TRPV6: variants seen among roughly 807,000 people sequenced by gnomAD.
The protein encoded by TRPV6 is Alu-binding protein with zinc finger domain.
In TRPV6, 39 loss-of-function variants were observed where a neutral mutation model predicts 79.0. The ratio of observed to expected loss-of-function variants is 0.49; its 90% CI spans 0.38 to 0.64. TRPV6 has a LOEUF of 0.64. Among genes scored for constraint, TRPV6 ranks in the 30% least tolerant of loss-of-function variants. TRPV6 has a pLI of 0.00. For synonymous variants in TRPV6, 373 were observed against 391.9 expected (o/e 0.95, Z 0.57); for missense variants, 813 against 1,011.1 (o/e 0.80, Z 2.66).
rs4987670 is a variant in TRPV6, at chr7:142,873,870, G to C, written c.1640-154C>G. ...TTGGGTTTTTACGGTCCCTAGTTTT[G>C]TATGAGCCTCATCTTGATCCTAAGA... On this transcript the variant is annotated intron_variant, in intron 12 of 14. Coordinates refer to ENST00000359396, the MANE Select transcript of TRPV6 (RefSeq NM_018646.6). This position sits in a 1 kb window ranked among gnomAD's most constrained non-coding sequence, Gnocchi z 4.8. The C allele has an allele frequency of 0.098, 113,649 of 1,162,874 alleles. 12,120 individuals are homozygous for C. The highest frequency in any genetic ancestry group is 0.52 in the African/African-American group (33,646 of 64,594). 72.0% of individuals were successfully genotyped at this position (1,162,874 alleles called of 1,614,324 possible).
At chr7:142,876,195 TG>T in intron 6 of TRPV6, 1 of 777,878 alleles carries the variant, frequency 1.3e-6, no homozygotes, top group Non-Finnish European at 2.0e-6. Flanking sequence ...AATCCTAGCA[TG>T]GGATCTAGAC....
intron 13 of TRPV6, among the ~76,000 whole-genome samples, chr7:142,872,896 T>C (rs1794973342): frequency 6.6e-6 from 1 of 152,214 alleles, no homozygotes; most frequent in Admixed American, 6.5e-5. Context: ...CCTTCCAGTT[T>C]GGGAAATTTC....
rs1586188117 is a variant in TRPV6, at chr7:142,875,477, C to T, written c.1233G>A (p.Lys411=). The T allele has an allele frequency of 6.3e-7, 1 of 1,577,596 alleles. No homozygotes were observed. Among genetic ancestry groups the T allele is most frequent in the Non-Finnish European group, 8.6e-7 (1 of 1,163,832 alleles). Residue 411 remains lysine (K), a synonymous_variant, in exon 8 of 15, where the codon AAG becomes AAA. Coordinates refer to ENST00000359396, the MANE Select transcript of TRPV6 (RefSeq NM_018646.6). ...CCTACAAGGGTGTCACCTGAAGTAG[C>T]TTCTGCTGTAAGAGGGTGTTGTCCC... is the stretch of plus-strand genomic sequence containing the variant.
At position 142,874,921 on chromosome 7, in the gene TRPV6, G is replaced by A; in HGVS notation, c.1389C>T (p.Gly463=). 6.2e-7 allele frequency: 1 copy of A among 1,614,104 alleles called. No individual in the cohort carries two copies. Among genetic ancestry groups the A allele is most frequent in the Non-Finnish European group, 8.5e-7 (1 of 1,180,012 alleles). The change falls in exon 10 of 15, where the codon GGC becomes GGT. Residue 463 remains glycine (G), a synonymous_variant. Transcript: ENST00000359396. ...AAACTCACATGAGGACATGGAATGG[G>A]CCCCCAAGGATGGTCTGTCCAAAGA...
chr7:142,874,021 C>A, intron 12 of TRPV6, 55 bp downstream of exon 12: 1 of 1,586,574 alleles, frequency 6.3e-7, no homozygotes, highest in East Asian at 2.3e-5. Context: ...CCAGTGCCCC[C>A]TAGACTTCCT....
chr7:142,877,345 T>G, intron 3 of TRPV6, 66 bp from the exon 4 acceptor site: 2 of 1,592,060 alleles, frequency 1.3e-6, no homozygotes, highest in Non-Finnish European at 8.6e-7. Flanking sequence ...CCCTCCCATA[T>G]GCACCCCAGT....
intron 4 of TRPV6, 117 bp downstream of exon 4, chr7:142,877,025 T>G: frequency 6.8e-7 from 1 of 1,469,228 alleles, no homozygotes; most frequent in South Asian, 1.4e-5. Context: ...CTAGAAGGAT[T>G]GCTCCTCCCA....
At chr7:142,877,812 G>T in intron 2 of TRPV6, 39 bp from the exon 3 acceptor site, 4 of 1,613,718 alleles carry the variant, frequency 2.5e-6, no homozygotes, top group Non-Finnish European at 3.4e-6. Context: ...GGCTTCTGTG[G>T]GACAGCGGAT....
rs1266068657 is a variant in TRPV6, at chr7:142,876,565, ATGTGTAACAC to A, written c.715_724del (p.Val239SerfsTer53). ...GGTTTTGTTGGGCTGGAGGATGAGG[ATGTGTAACAC>A]TGTGTTTCCTGGGGAGGACACAGGG... On this transcript the variant is annotated frameshift_variant, in exon 6 of 15. Transcript: ENST00000359396. LOFTEE classifies it high-confidence loss of function. 3.7e-6 allele frequency: 6 copies of A among 1,613,958 alleles called. No homozygotes were observed. Among genetic ancestry groups the A allele is most frequent in the Non-Finnish European group, 5.1e-6 (6 of 1,180,010 alleles).
chr7:142,875,701 G>A (rs373218702), intron 7 of TRPV6, 21 bp from the exon 8 acceptor site: 1 of 1,606,176 alleles, frequency 6.2e-7, no homozygotes, highest in East Asian at 2.2e-5. Flanking sequence ...AAGAGAACAG[G>A]TGGCTCAGAG....
intron 5 of TRPV6, 45 bp downstream of exon 5, chr7:142,876,694 C>T: frequency 2.5e-6 from 4 of 1,613,600 alleles, no homozygotes; most frequent in Non-Finnish European, 3.4e-6. Flanking sequence ...CCCTGTCCCT[C>T]ACTCCCTGCA....
chr7:142,884,408 A>G (rs1310409484), intron 1 of TRPV6: 1 of 152,320 alleles, frequency 6.6e-6, no homozygotes, highest in Non-Finnish European at 1.5e-5. Context: ...GCTTTCCTCT[A>G]TGACCAGACA....
intron 1 of TRPV6, chr7:142,881,195 C>CTACT (rs1367207988): frequency 1.3e-5 from 2 of 152,180 alleles, no homozygotes; most frequent in Non-Finnish European, 1.5e-5. Context: ...CAGAGCTGAC[C>CTACT]TACTCAAAGA....
In TRPV6 at chr7:142,885,681, G is replaced by C. The variant is rs1324734003; in HGVS notation, c.-45C>G. 1.1e-6 allele frequency: 1 copy of C among 934,952 alleles called. No homozygotes were observed. Among genetic ancestry groups the C allele is most frequent in the Non-Finnish European group, 1.5e-6 (1 of 654,752 alleles). 57.9% of individuals were successfully genotyped at this position (934,952 alleles called of 1,614,324 possible). On this transcript the variant is annotated 5_prime_UTR_variant, in exon 1 of 15. Coordinates refer to ENST00000359396, the MANE Select transcript of TRPV6 (RefSeq NM_018646.6). ...TGACGAGTTCCTTGGGAGTCTCCCA[G>C]CAGCCCCAGCCAGTTTGGAGAGGGC...
intron 2 of TRPV6, 47 bp downstream of exon 2, chr7:142,877,882 A>G (rs777879747): frequency 3.8e-5 from 61 of 1,612,116 alleles, no homozygotes; most frequent in Non-Finnish European, 4.9e-5. Context: ...GGGAGGCCCC[A>G]TGTGTGGGGC....
At chr7:142,874,757 A>G in intron 10 of TRPV6, 101 bp from the exon 11 acceptor site, 1 of 1,556,746 alleles carries the variant, frequency 6.4e-7, no homozygotes, top group South Asian at 1.1e-5. Context: ...ATGCAGATTC[A>G]GCCTCCCCAC....
intron 14 of TRPV6, 76 bp downstream of exon 14, chr7:142,872,296 C>T (rs1794954106): frequency 6.7e-7 from 1 of 1,486,854 alleles, no homozygotes; most frequent in Non-Finnish European, 9.3e-7. Context: ...AACCCAGGAG[C>T]CGGAAGCTGT....
At chr7:142,882,793 C>A (rs1002439494) in intron 1 of TRPV6, 3 of 152,192 alleles carry the variant, frequency 2.0e-5, no homozygotes, top group Admixed American at 2.0e-4. Context: ...TTTTCAGACA[C>A]TCAATTCACA....
At chr7:142,883,136 A>C (rs1795227072) in intron 1 of TRPV6, 1 of 152,206 alleles carries the variant, frequency 6.6e-6, no homozygotes, top group Non-Finnish European at 1.5e-5. Flanking sequence ...AGAAAGGTGG[A>C]GTGCCTTATG....
Sources: allele counts gnomAD v4.1 joint callset (sites outside exome capture counted in the v4.1 genomes callset), GRCh38; gene constraint gnomAD v4.1.1; non-coding constraint Gnocchi (gnomAD v3.1); transcripts MANE v1.5; gene names NCBI Gene and HGNC (gene_info 2026-07-23, HGNC 2026-07-21).